Variants in PARP11 observed in about 807,000 individuals in gnomAD.
PARP11 encodes poly(ADP-ribose) polymerase family member 11.
In PARP11, 31 loss-of-function variants were observed where a neutral mutation model predicts 42.9. That is an observed-to-expected ratio of 0.72 (90% CI 0.54 to 0.98). PARP11 has a LOEUF of 0.98. PARP11 is among the 50% of genes least tolerant of loss of function. PARP11 has a pLI of 0.00. For missense variants in PARP11, 365 were observed against 413.1 expected, an observed-to-expected ratio of 0.88 and a Z score of 1.01; for synonymous variants, 137 against 127.3, an observed-to-expected ratio of 1.08 and a Z score of -0.51.
chr12:3,873,128 G>A, intron 1 of PARP11, 84 bp downstream of exon 1: 1 of 1,268,222 alleles, frequency 7.9e-7, no homozygotes, highest in Middle Eastern at 2.6e-4. Flanking sequence ...AGCGAGCGCG[G>A]GGAAGCAGTT....
intron 1 of PARP11, among the ~76,000 whole-genome samples, chr12:3,837,208 A>G (rs1208145092): frequency 6.6e-6 from 1 of 152,228 alleles, no homozygotes; most frequent in Non-Finnish European, 1.5e-5. Context: ...CCGCACTGCC[A>G]GGATAACCTC....
chr12:3,816,076 GTTTAC>G (rs1947281859), intron 6 of PARP11, among the ~76,000 whole-genome samples: 1 of 152,292 alleles, frequency 6.6e-6, no homozygotes, highest in Non-Finnish European at 1.5e-5. Flanking sequence ...TTTAGCAAAT[GTTTAC>G]TTTACAAAAA....
intron 4 of PARP11, among the ~76,000 whole-genome samples, chr12:3,824,324 C>T (rs1947470218): frequency 2.6e-5 from 4 of 152,062 alleles, no homozygotes; most frequent in Admixed American, 2.6e-4. Flanking sequence ...CCTTCAACTA[C>T]AACAATGAAT....
intron 7 of PARP11, among the ~76,000 whole-genome samples, 177 bp downstream of exon 7, chr12:3,813,860 A>G (rs1352474449): frequency 6.6e-6 from 1 of 152,236 alleles, no homozygotes; most frequent in Non-Finnish European, 1.5e-5. Flanking sequence ...TTTTCTTAAA[A>G]ACAAAATAAA....
At chr12:3,837,830 T>C (rs1947798920) in intron 1 of PARP11, among the ~76,000 whole-genome samples, 1 of 151,834 alleles carries the variant, frequency 6.6e-6, no homozygotes, top group African/African-American at 2.4e-5. Flanking sequence ...AAATAGACTA[T>C]GAACAAGTCC....
At chr12:3,821,160 C>T (rs1947383347) in intron 6 of PARP11, among the ~76,000 whole-genome samples, 1 of 152,128 alleles carries the variant, frequency 6.6e-6, no homozygotes, top group Non-Finnish European at 1.5e-5. Context: ...TTTGCAATTT[C>T]TCTGAATAAA....
intron 1 of PARP11, among the ~76,000 whole-genome samples, chr12:3,847,270 A>C (rs145321387): frequency 1.5e-3 from 222 of 152,356 alleles, no homozygotes; most frequent in Middle Eastern, 3.4e-3. Flanking sequence ...AATTCTACTT[A>C]AACTCTTCAA....
chr12:3,866,637 A>G (rs562853469), intron 1 of PARP11, among the ~76,000 whole-genome samples: 1 of 149,450 alleles, frequency 6.7e-6, no homozygotes, highest in African/African-American at 2.4e-5. Context: ...AGTACTATAA[A>G]ACTCAAGTAA....
At chr12:3,839,001 G>T (rs1477782789) in intron 1 of PARP11, among the ~76,000 whole-genome samples, 41 of 152,272 alleles carry the variant, frequency 2.7e-4, no homozygotes, top group Non-Finnish European at 5.9e-5. Context: ...AGGCCGTCGG[G>T]AAGTGACTAC....
intron 1 of PARP11, among the ~76,000 whole-genome samples, chr12:3,858,121 T>C (rs1463407809): frequency 6.6e-6 from 1 of 152,004 alleles, no homozygotes; most frequent in East Asian, 1.9e-4. Context: ...CTGTATATCA[T>C]CCAAGGGAAA....
intron 1 of PARP11, chr12:3,832,171 G>C (rs1947655780): frequency 1.0e-6 from 1 of 961,932 alleles, no homozygotes; most frequent in East Asian, 1.2e-4. Context: ...CATCCTTTCA[G>C]AGCTTTCTGT....
chr12:3,872,164 G>A (rs546698098), intron 1 of PARP11, among the ~76,000 whole-genome samples: 1 of 152,284 alleles, frequency 6.6e-6, no homozygotes, highest in Admixed American at 6.5e-5. Context: ...AGGCCAAGAA[G>A]AATCTGAACA....
Position 3,868,658 on chromosome 12 carries a change from A to G in PARP11, c.18+4554T>C, listed in dbSNP as rs974783709. Reference sequence around the variant, plus strand: ...CCTGGCTGCCCATGCCAGAAAGCTAAGTCATCATCTAAGATGCAGCTTGAA... The same window carrying G: ...CCTGGCTGCCCATGCCAGAAAGCTAGGTCATCATCTAAGATGCAGCTTGAA... On this transcript the variant is annotated intron_variant, in intron 1 of 7. Coordinates refer to ENST00000228820, the MANE Select transcript of PARP11 (RefSeq NM_020367.6). Among the ~76,000 whole-genome samples, 4 of 152,184 alleles carry G rather than the reference A, an allele frequency of 2.6e-5. No homozygotes were observed. The East Asian group carries it at 7.7e-4, about 29-fold the overall frequency.
intron 1 of PARP11, among the ~76,000 whole-genome samples, chr12:3,864,875 CTGT>C (rs1948362694): frequency 6.6e-6 from 1 of 152,112 alleles, no homozygotes; most frequent in African/African-American, 2.4e-5. Flanking sequence ...TTGATCTTCA[CTGT>C]TGTTTTCTGT....
intron 1 of PARP11, chr12:3,842,058 C>G (rs3816507): frequency 3.1e-6 from 5 of 1,608,784 alleles, no homozygotes; most frequent in Non-Finnish European, 4.3e-6. Context: ...GAAAGGCTCA[C>G]CCTCCCACTC....
At chr12:3,871,470 G>A (rs543404073) in intron 1 of PARP11, among the ~76,000 whole-genome samples, 2 of 152,280 alleles carry the variant, frequency 1.3e-5, no homozygotes, top group Non-Finnish European at 2.9e-5. Context: ...AGATTTCTAG[G>A]TTAAGAGCAA....
intron 6 of PARP11, among the ~76,000 whole-genome samples, chr12:3,817,349 T>C (rs764071418): frequency 2.0e-5 from 3 of 152,134 alleles, no homozygotes; most frequent in Non-Finnish European, 1.5e-5. Flanking sequence ...AACGCTTACT[T>C]ACTAGATTAG....
At position 3,825,951 on chromosome 12, in the gene PARP11, C is replaced by T. The variant is rs187299646; in HGVS notation, c.344+207G>A. The stretch of plus-strand genomic sequence containing the variant: ...CACCGTGTGTTAGCCAAGATGGTCT[C>T]GATCTCCTGACTCGTGATCAGGCCG... On this transcript the variant is annotated intron_variant, in intron 4 of 7. Coordinates refer to ENST00000228820, the MANE Select transcript of PARP11 (RefSeq NM_020367.6). Among the ~76,000 whole-genome samples the T allele has an allele frequency of 6.8e-3, 1,039 of 152,150 alleles. 24 individuals are homozygous for T. Among genetic ancestry groups the T allele is most frequent in the African/African-American group, 0.023 (959 of 41,514 alleles).
At chr12:3,851,578 G>A (rs1317010717) in intron 1 of PARP11, among the ~76,000 whole-genome samples, 1 of 152,238 alleles carries the variant, frequency 6.6e-6, no homozygotes, top group Non-Finnish European at 1.5e-5. Flanking sequence ...CCATTGCTGA[G>A]GCTTGAGTAG....
Sources: allele counts gnomAD v4.1 joint callset (sites outside exome capture counted in the v4.1 genomes callset), GRCh38; gene constraint gnomAD v4.1.1; transcripts MANE v1.5; gene names NCBI Gene and HGNC (gene_info 2026-07-23, HGNC 2026-07-21).